The following PDGFD variants were observed in gnomAD, a reference collection of about 807,000 sequenced individuals.
PDGFD encodes the protein platelet derived growth factor D.
In PDGFD, 30 loss-of-function variants were observed where a neutral mutation model predicts 44.7. The observed-to-expected ratio is 0.67, with a 90% CI of 0.50 to 0.91. PDGFD has a LOEUF of 0.91. PDGFD is among the 40% of genes least tolerant of loss of function. The pLI, the probability that PDGFD is intolerant of heterozygous loss-of-function variation, is 0.00. For synonymous variants in PDGFD, 173 were observed against 168.4 expected, an observed-to-expected ratio of 1.03 and a Z score of -0.21; for missense variants, 445 against 457.8, an observed-to-expected ratio of 0.97 and a Z score of 0.25.
At position 104,000,046 on chromosome 11, in the gene PDGFD, C is replaced by T. The variant is rs768703822; in HGVS notation, c.329+5G>A. 1.9e-6 allele frequency: 3 copies of T among 1,611,806 alleles called. No homozygotes were observed. Among genetic ancestry groups the T allele is most frequent in the Non-Finnish European group, 2.5e-6 (3 of 1,179,066 alleles). On this transcript the variant is annotated splice_donor_5th_base_variant and intron_variant, in intron 2 of 6. Transcript: ENST00000393158. ...AGTACCGTAAAAATTTTTTTCCCAA[C>T]TTACCTACAGATATCATTTTCTGCT... is the stretch of plus-strand genomic sequence containing the variant.
chr11:104,084,412 GAAGA>G (rs1173186357), intron 1 of PDGFD, among the ~76,000 whole-genome samples: 2 of 152,008 alleles, frequency 1.3e-5, no homozygotes, highest in African/African-American at 4.8e-5. Context: ...TTTCCAGGAA[GAAGA>G]AAGGGCTGGT....
intron 5 of PDGFD, among the ~76,000 whole-genome samples, chr11:103,941,269 T>G (rs1858579761): frequency 6.6e-6 from 1 of 151,778 alleles, no homozygotes; most frequent in African/African-American, 2.4e-5. Context: ...TCAGCCAGAG[T>G]GGAGAACCAT....
intron 5 of PDGFD, among the ~76,000 whole-genome samples, chr11:103,942,238 G>T (rs1169488502): frequency 6.6e-6 from 1 of 152,062 alleles, no homozygotes; most frequent in Non-Finnish European, 1.5e-5. Context: ...TATCTACAAT[G>T]CAAACCAGCC....
At chr11:104,153,932 G>A (rs1862274874) in intron 1 of PDGFD, among the ~76,000 whole-genome samples, 1 of 152,088 alleles carries the variant, frequency 6.6e-6, no homozygotes, top group Non-Finnish European at 1.5e-5. Flanking sequence ...CCTAGAAAAT[G>A]TGCCAGTATT....
chr11:104,091,460 A>G (rs1284319326), intron 1 of PDGFD, among the ~76,000 whole-genome samples: 1 of 152,192 alleles, frequency 6.6e-6, no homozygotes, highest in Non-Finnish European at 1.5e-5. Flanking sequence ...ACTTTACCCA[A>G]TGTGACTGAG....
chr11:104,101,274 G>A (rs1052626863), intron 1 of PDGFD, among the ~76,000 whole-genome samples: 2 of 152,084 alleles, frequency 1.3e-5, no homozygotes, highest in Non-Finnish European at 2.9e-5. Context: ...CAAAATCAAT[G>A]TGCAAAAATC....
At chr11:104,031,116 G>A (rs1351586778) in intron 1 of PDGFD, among the ~76,000 whole-genome samples, 3 of 152,072 alleles carry the variant, frequency 2.0e-5, no homozygotes, top group African/African-American at 7.2e-5. Context: ...AAAAGCAATT[G>A]CAACAAAAGC....
chr11:104,142,933 A>G (rs1862106177), intron 1 of PDGFD, among the ~76,000 whole-genome samples: 1 of 152,180 alleles, frequency 6.6e-6, no homozygotes, highest in Admixed American at 6.5e-5. Flanking sequence ...CTGTAACTAC[A>G]GGGAATGCTC....
intron 5 of PDGFD, among the ~76,000 whole-genome samples, chr11:103,938,355 T>G (rs545261849): frequency 6.6e-6 from 1 of 152,366 alleles, no homozygotes; most frequent in Non-Finnish European, 1.5e-5. Flanking sequence ...ATGCCTTCTT[T>G]TGAGAAGTGT....
intron 1 of PDGFD, among the ~76,000 whole-genome samples, chr11:104,085,409 G>A (rs1359864343): frequency 6.6e-6 from 1 of 152,090 alleles, no homozygotes; most frequent in Non-Finnish European, 1.5e-5. Flanking sequence ...CTCTTGAATT[G>A]CTGAGCAGAA....
intron 1 of PDGFD, among the ~76,000 whole-genome samples, chr11:104,060,673 T>C (rs1860699421): frequency 1.3e-5 from 2 of 152,182 alleles, no homozygotes; most frequent in Admixed American, 6.5e-5. Flanking sequence ...TTTTACTAAA[T>C]GAATGAACAA....
intron 1 of PDGFD, among the ~76,000 whole-genome samples, chr11:104,134,449 CA>C (rs956246240): frequency 2.0e-5 from 3 of 150,134 alleles, no homozygotes; most frequent in Admixed American, 6.6e-5. Context: ...GAATAAACCT[CA>C]AAAAAAAAGC....
chr11:104,014,303 C>T (rs1283377423), intron 1 of PDGFD, among the ~76,000 whole-genome samples: 2 of 152,096 alleles, frequency 1.3e-5, no homozygotes, highest in African/African-American at 4.8e-5. Flanking sequence ...CGAGACTAGC[C>T]TGGGCAACAC....
chr11:103,911,073 A>T (rs537345109), intron 6 of PDGFD, among the ~76,000 whole-genome samples: 1 of 152,364 alleles, frequency 6.6e-6, no homozygotes, highest in South Asian at 2.1e-4. Flanking sequence ...AAAGAAAGGC[A>T]GCAGCCCCAG....
intron 1 of PDGFD, among the ~76,000 whole-genome samples, chr11:104,111,300 C>T (rs1861553734): frequency 6.9e-6 from 1 of 145,084 alleles, no homozygotes; most frequent in African/African-American, 2.6e-5. Context: ...ACTCTGGTCA[C>T]CCAGGCTAGG....
intron 5 of PDGFD, among the ~76,000 whole-genome samples, chr11:103,928,281 G>T (rs949555542): frequency 6.6e-6 from 1 of 152,194 alleles, no homozygotes. Context: ...TTAGAAGCAA[G>T]TCCTTTTGTC....
At chr11:103,940,154 A>C (rs1165110485) in intron 5 of PDGFD, among the ~76,000 whole-genome samples, 1 of 151,570 alleles carries the variant, frequency 6.6e-6, no homozygotes, top group East Asian at 1.9e-4. Flanking sequence ...TTACCACCTC[A>C]CCTCCCTTCT....
intron 1 of PDGFD, among the ~76,000 whole-genome samples, chr11:104,123,705 A>T (rs1565342231): frequency 6.6e-6 from 1 of 152,092 alleles, no homozygotes; most frequent in Non-Finnish European, 1.5e-5. Context: ...TTTAATGCAG[A>T]CTTTGAAAGA....
At chr11:103,980,887 C>G (rs541780840) in intron 3 of PDGFD, among the ~76,000 whole-genome samples, 1 of 152,022 alleles carries the variant, frequency 6.6e-6, no homozygotes, top group African/African-American at 2.4e-5. Flanking sequence ...GCACCTTGAT[C>G]TCAGACTCTC....
Sources: allele counts gnomAD v4.1 joint callset (sites outside exome capture counted in the v4.1 genomes callset), GRCh38; gene constraint gnomAD v4.1.1; transcripts MANE v1.5; gene names NCBI Gene and HGNC (gene_info 2026-07-23, HGNC 2026-07-21).